The following TBCEL variants were observed in gnomAD, a reference collection of about 807,000 sequenced individuals.
The protein encoded by TBCEL is tubulin folding cofactor E like.
Under a neutral mutation model 44.2 loss-of-function variants are expected in TBCEL, and 15 were observed. The ratio of observed to expected loss-of-function variants is 0.34; its 90% CI spans 0.23 to 0.52. TBCEL has a LOEUF of 0.52. Among genes scored for constraint, TBCEL ranks in the 20% least tolerant of loss-of-function variants. The probability of loss-of-function intolerance (pLI) is 0.95; values close to 1 mark genes in which losing one functional copy is unlikely to be tolerated. For synonymous variants in TBCEL, 171 were observed against 185.4 expected (o/e 0.92, Z 0.63); for missense variants, 319 against 506.3 (o/e 0.63, Z 3.55).
intron 4 of TBCEL, among the ~76,000 whole-genome samples, chr11:121,049,870 C>T (rs1179924411): frequency 1.3e-5 from 2 of 151,620 alleles, no homozygotes; most frequent in African/African-American, 4.8e-5. Flanking sequence ...AGACAAAAGT[C>T]TATGTTACAT....
At chr11:121,032,935 A>C (rs191751277) in intron 1 of TBCEL, among the ~76,000 whole-genome samples, 313 of 152,332 alleles carry the variant, frequency 2.1e-3, no homozygotes, top group African/African-American at 7.0e-3. Context: ...GGAAATTTGT[A>C]GATAGGGAAT....
rs776365664 is a variant in TBCEL at position 121,087,111 on chromosome 11, G to A, written c.*15G>A. 2 of 1,602,530 alleles carry A rather than the reference G, an allele frequency of 1.2e-6. No individual in the cohort carries two copies. Among genetic ancestry groups the A allele is most frequent in the East Asian group, 2.2e-5 (1 of 44,780 alleles). ...AAACAAAATAACCTCTACCAGCCTT[G>A]TGAAAAACATACACATAAGGACTTG... On this transcript the variant is annotated 3_prime_UTR_variant, in exon 9 of 9. Transcript: ENST00000683345.
At chr11:121,064,569 G>T (rs1390088429) in intron 8 of TBCEL, among the ~76,000 whole-genome samples, 1 of 152,148 alleles carries the variant, frequency 6.6e-6, no homozygotes, top group East Asian at 1.9e-4. Context: ...CTATGCACTA[G>T]TGGTTCAATG....
chr11:121,053,873 A>G, intron 5 of TBCEL, 141 bp downstream of exon 5: 1 of 896,032 alleles, frequency 1.1e-6, no homozygotes, highest in Non-Finnish European at 1.7e-6. Flanking sequence ...AGTTATTGGA[A>G]TGAGAATGTG....
chr11:121,076,484 G>A (rs975173564), intron 8 of TBCEL, among the ~76,000 whole-genome samples: 1 of 151,856 alleles, frequency 6.6e-6, no homozygotes, highest in Admixed American at 6.6e-5. Context: ...TTCACTGCTA[G>A]GCATAGAATT....
rs67391664 is a variant in TBCEL, at chr11:121,030,872, A to ATT, written c.-125-5619_-125-5618dup. Reference sequence around the variant, plus strand: ...GAATTATACTGTATATATTCTTGTGATTTTTTTTTTTTTTTACCCATTCAG... The same window carrying ATT: ...GAATTATACTGTATATATTCTTGTGATTTTTTTTTTTTTTTTTACCCATTCAG... On this transcript the variant is annotated intron_variant, in intron 1 of 8. Transcript: ENST00000683345. Among the ~76,000 whole-genome samples the ATT allele has an allele frequency of 6.9e-5, 10 of 144,366 alleles. 1 individual carries two copies. Among genetic ancestry groups the ATT allele is most frequent in the Admixed American group, 6.2e-4 (9 of 14,462 alleles). 94.7% of individuals were successfully genotyped at this position (144,366 alleles called of 152,430 possible). A position where few individuals can be genotyped will look rare whatever the true frequency, so the allele number is the denominator to read the frequency against.
intron 1 of TBCEL, among the ~76,000 whole-genome samples, chr11:121,030,793 C>T (rs1945128933): frequency 1.3e-5 from 2 of 151,660 alleles, no homozygotes; most frequent in African/African-American, 4.8e-5. Flanking sequence ...TATATGTACG[C>T]AACCTTAAAT....
intron 1 of TBCEL, among the ~76,000 whole-genome samples, chr11:121,026,741 G>A (rs545397480): frequency 1.4e-4 from 22 of 152,304 alleles, no homozygotes; most frequent in Admixed American, 1.2e-3. Context: ...CTTAATCAGG[G>A]AAATATTTGT....
rs548862880 is a variant in TBCEL at position 121,024,808 on chromosome 11, C to T, written c.-126+517C>T. 2.6e-5 allele frequency among the ~76,000 whole-genome samples: 4 copies of T among 152,256 alleles called. No individual in the cohort carries two copies. In the East Asian group the frequency reaches 5.8e-4, roughly 22 times the overall value. ...ATGTCTAGGCCCTTGGGACATTAGGCCTGCTCTTACCAGGGGCTGATAAAA... is the reference window on the plus strand; with the variant it reads ...ATGTCTAGGCCCTTGGGACATTAGGTCTGCTCTTACCAGGGGCTGATAAAA... On this transcript the variant is annotated intron_variant, in intron 1 of 8. Transcript: ENST00000683345.
At chr11:121,028,696 C>G (rs569744998) in intron 1 of TBCEL, among the ~76,000 whole-genome samples, 1 of 152,308 alleles carries the variant, frequency 6.6e-6, no homozygotes, top group South Asian at 2.1e-4. Flanking sequence ...ACAGTGGTCA[C>G]CGCAGTAATA....
chr11:121,044,879 C>T (rs1945401196), intron 2 of TBCEL, among the ~76,000 whole-genome samples: 1 of 151,992 alleles, frequency 6.6e-6, no homozygotes, highest in Non-Finnish European at 1.5e-5. Context: ...TTATAGGTAA[C>T]TAAAAAATTG....
At chr11:121,040,808 G>T (rs945409333) in intron 2 of TBCEL, among the ~76,000 whole-genome samples, 1 of 152,044 alleles carries the variant, frequency 6.6e-6, no homozygotes, top group African/African-American at 2.4e-5. Flanking sequence ...GTATGCACAT[G>T]GTGAATTCAA....
chr11:121,046,783 C>T (rs1282973217), intron 3 of TBCEL, among the ~76,000 whole-genome samples: 2 of 152,070 alleles, frequency 1.3e-5, no homozygotes, highest in African/African-American at 4.8e-5. Context: ...ATTTTATTGA[C>T]ACATGTGTTT....
chr11:121,058,550 G>C, intron 7 of TBCEL, 79 bp downstream of exon 7: 3 of 1,525,598 alleles, frequency 2.0e-6, no homozygotes, highest in East Asian at 2.3e-5. Context: ...TGTTTAGTGG[G>C]AGTGCACTAT....
At position 121,060,093 on chromosome 11, in the gene TBCEL, A is replaced by T; in HGVS notation, c.956+8A>T. 2 of 1,600,478 alleles carry T rather than the reference A, an allele frequency of 1.2e-6. No homozygotes were observed. Among genetic ancestry groups the T allele is most frequent in the Non-Finnish European group, 1.7e-6 (2 of 1,168,774 alleles). On this transcript the variant is annotated splice_region_variant and intron_variant, in intron 8 of 8. Coordinates refer to ENST00000683345, the MANE Select transcript of TBCEL (RefSeq NM_001363644.2). ...GGAAGAAGTGCCATTCAGGTAAAAAATTCCCCATTGGCCAAACACTTTAGA... is the reference window on the plus strand; with the variant it reads ...GGAAGAAGTGCCATTCAGGTAAAAATTTCCCCATTGGCCAAACACTTTAGA...
intron 3 of TBCEL, among the ~76,000 whole-genome samples, chr11:121,046,254 T>C (rs1822834934): frequency 6.6e-6 from 1 of 152,116 alleles, no homozygotes; most frequent in African/African-American, 2.4e-5. Context: ...ATAATTAATA[T>C]GATCAAGAAA....
chr11:121,065,332 A>G (rs910501887), intron 8 of TBCEL, among the ~76,000 whole-genome samples: 1 of 152,134 alleles, frequency 6.6e-6, no homozygotes, highest in East Asian at 1.9e-4. Flanking sequence ...TTCATTTGCC[A>G]GGGGAAGAGG....
At chr11:121,036,863 G>A (rs1225279219) in intron 2 of TBCEL, among the ~76,000 whole-genome samples, 1 of 152,200 alleles carries the variant, frequency 6.6e-6, no homozygotes, top group Admixed American at 6.5e-5. Flanking sequence ...AATATAGACA[G>A]CTCTGAGGCT....
chr11:121,042,573 A>G (rs1341340720), intron 2 of TBCEL, among the ~76,000 whole-genome samples: 1 of 152,152 alleles, frequency 6.6e-6, no homozygotes, highest in Non-Finnish European at 1.5e-5. Flanking sequence ...TAGCTTACAA[A>G]TGGGAATCTT....
Sources: gnomAD v4.1 joint callset for allele counts (sites outside exome capture counted in the v4.1 genomes callset) on GRCh38, gnomAD v4.1.1 for gene constraint, MANE v1.5 for transcripts, NCBI Gene and HGNC (gene_info 2026-07-23, HGNC 2026-07-21) for gene names.